GNAQ: variants seen among roughly 807,000 people sequenced by gnomAD.
GNAQ encodes guanine nucleotide-binding protein G(q) subunit alpha.
GNAQ carries 8 observed loss-of-function variants against 43.9 expected under a neutral mutation model. The ratio of observed to expected loss-of-function variants is 0.18; its 90% CI spans 0.11 to 0.33. The LOEUF (loss-of-function observed/expected upper bound fraction) is 0.33, where lower values mean the gene tolerates loss of function less well. Among genes scored for constraint, GNAQ ranks in the 10% least tolerant of loss-of-function variants. The probability of loss-of-function intolerance (pLI) is 1.00; values close to 1 mark genes in which losing one functional copy is unlikely to be tolerated. For missense variants in GNAQ, 158 were observed against 450.8 expected, an observed-to-expected ratio of 0.35 and a Z score of 5.88; for synonymous variants, 155 against 170.7, an observed-to-expected ratio of 0.91 and a Z score of 0.71.
intron 2 of GNAQ, among the ~76,000 whole-genome samples, chr9:77,849,508 T>A (rs554475267): frequency 3.2e-4 from 48 of 152,184 alleles, no homozygotes; most frequent in African/African-American, 1.1e-3. Context: ...GCTTTCTGAA[T>A]CCTCTCCCAG....
chr9:77,848,146 G>A (rs1007045150), intron 2 of GNAQ, among the ~76,000 whole-genome samples: 2 of 152,170 alleles, frequency 1.3e-5, no homozygotes, highest in Non-Finnish European at 2.9e-5. Flanking sequence ...GGGCCACTGT[G>A]AAGCCACTGC....
At chr9:77,959,688 CATT>C (rs1823084352) in intron 1 of GNAQ, among the ~76,000 whole-genome samples, 1 of 152,128 alleles carries the variant, frequency 6.6e-6, no homozygotes, top group African/African-American at 2.4e-5. Flanking sequence ...TGCTAAAAAT[CATT>C]GAGTTTTTCT....
chr9:77,880,318 A>G (rs1587383294), intron 2 of GNAQ, among the ~76,000 whole-genome samples: 1 of 151,990 alleles, frequency 6.6e-6, no homozygotes, highest in South Asian at 2.1e-4. Flanking sequence ...AATTATTTAT[A>G]CCCTTTCTCA....
At chr9:77,759,933 CT>C (rs970000569) in intron 5 of GNAQ, among the ~76,000 whole-genome samples, 22 of 131,836 alleles carry the variant, frequency 1.7e-4, no homozygotes, top group South Asian at 4.8e-4. Flanking sequence ...TTTTCTTTTT[CT>C]TTTTTTTTTG....
chr9:77,930,207 T>C (rs1448230632), intron 1 of GNAQ, among the ~76,000 whole-genome samples: 2 of 152,184 alleles, frequency 1.3e-5, no homozygotes, highest in Admixed American at 6.5e-5. Context: ...CACCTCACTT[T>C]TGAAAAGACT....
At chr9:77,828,194 T>C (rs894976260) in intron 2 of GNAQ, among the ~76,000 whole-genome samples, 1 of 151,802 alleles carries the variant, frequency 6.6e-6, no homozygotes, top group African/African-American at 2.4e-5. Context: ...TTAATTATCA[T>C]TTCATGAAAA....
chr9:77,952,417 C>T (rs1395209537), intron 1 of GNAQ, among the ~76,000 whole-genome samples: 2 of 152,082 alleles, frequency 1.3e-5, no homozygotes, highest in African/African-American at 4.8e-5. Context: ...TTCTATCTTC[C>T]AACTTTTAGT....
intron 1 of GNAQ, among the ~76,000 whole-genome samples, chr9:77,952,280 G>A (rs1022360030): frequency 5.9e-5 from 9 of 152,124 alleles, no homozygotes; most frequent in African/African-American, 1.9e-4. Flanking sequence ...AGTGGAATAT[G>A]ACCCAACAGT....
Position 77,721,121 on chromosome 9 carries a change from A to G in GNAQ, c.*202T>C, listed in dbSNP as rs1825303736. The G allele has an allele frequency of 4.2e-6, 2 of 479,596 alleles. No individual in the cohort carries two copies. Among genetic ancestry groups the G allele is most frequent in the Non-Finnish European group, 7.3e-6 (2 of 273,482 alleles). 29.7% of individuals were successfully genotyped at this position (479,596 alleles called of 1,614,324 possible). On this transcript the variant is annotated 3_prime_UTR_variant, in exon 7 of 7. Transcript: ENST00000286548. ...TAGAGAGGAAATGTGCTGGGACTGTACTTCAGCATCCTCTGTTTTTCCTCT... is the reference window on the plus strand; with the variant it reads ...TAGAGAGGAAATGTGCTGGGACTGTGCTTCAGCATCCTCTGTTTTTCCTCT...
chr9:78,004,539 A>G (rs1037854682), intron 1 of GNAQ, among the ~76,000 whole-genome samples: 1 of 152,118 alleles, frequency 6.6e-6, no homozygotes, highest in Non-Finnish European at 1.5e-5. Flanking sequence ...CATCTCCCAG[A>G]GCTTCTCCCC....
At chr9:77,877,414 T>C (rs751220175) in intron 2 of GNAQ, among the ~76,000 whole-genome samples, 9 of 152,170 alleles carry the variant, frequency 5.9e-5, no homozygotes, top group Non-Finnish European at 1.0e-4. Context: ...AACTCATCAG[T>C]TCTTTTCAAG....
chr9:77,989,937 T>C (rs192017356), intron 1 of GNAQ, among the ~76,000 whole-genome samples: 139 of 152,352 alleles, frequency 9.1e-4, no homozygotes, highest in Admixed American at 2.4e-3. Context: ...GTGTAATATA[T>C]ACTCCCTTCT....
chr9:77,870,216 C>A (rs979717323), intron 2 of GNAQ, among the ~76,000 whole-genome samples: 1 of 150,180 alleles, frequency 6.7e-6, no homozygotes, highest in African/African-American at 2.5e-5. Context: ...TGAGTAATTT[C>A]TTTTGGGGAT....
chr9:77,764,962 G>T (rs938096422), intron 5 of GNAQ, among the ~76,000 whole-genome samples: 14 of 152,142 alleles, frequency 9.2e-5, no homozygotes, highest in Admixed American at 3.3e-4. Flanking sequence ...CTATAAATGT[G>T]ATTAGTTTTT....
rs1825248779 is a variant in GNAQ, at chr9:77,717,770, T to G, written c.*3553A>C. ...TACAAGTTTTACGTGTTCTTCAGATTCCTTTTGTAGTTGTCATCTGCTAGT... is the reference window on the plus strand; with the variant it reads ...TACAAGTTTTACGTGTTCTTCAGATGCCTTTTGTAGTTGTCATCTGCTAGT... On this transcript the variant is annotated 3_prime_UTR_variant, in exon 7 of 7. Coordinates refer to ENST00000286548, the MANE Select transcript of GNAQ (RefSeq NM_002072.5). 4.3e-6 allele frequency: 1 copy of G among 232,662 alleles called. No individual in the cohort carries two copies. Among genetic ancestry groups the G allele is most frequent in the Non-Finnish European group, 8.5e-6 (1 of 117,726 alleles). 14.4% of individuals were successfully genotyped at this position (232,662 alleles called of 1,614,324 possible).
intron 5 of GNAQ, among the ~76,000 whole-genome samples, chr9:77,754,329 C>A (rs1371178010): frequency 6.6e-6 from 1 of 152,194 alleles, no homozygotes; most frequent in Non-Finnish European, 1.5e-5. Flanking sequence ...AGGGGCAATA[C>A]CCTGTTCACT....
chr9:77,766,218 ATATG>A (rs1261629970), intron 5 of GNAQ, among the ~76,000 whole-genome samples: 1 of 152,220 alleles, frequency 6.6e-6, no homozygotes, highest in Non-Finnish European at 1.5e-5. Flanking sequence ...TAAATTTTAT[ATATG>A]TATATTTTAC....
chr9:77,836,230 GC>G (rs200391317), intron 2 of GNAQ, among the ~76,000 whole-genome samples: 1 of 97,360 alleles, frequency 1.0e-5, no homozygotes, highest in Non-Finnish European at 2.8e-5. Context: ...ATGATTAAAA[GC>G]CCCCCCCGGA....
intron 5 of GNAQ, among the ~76,000 whole-genome samples, chr9:77,784,233 G>T (rs1826440659): frequency 6.6e-6 from 1 of 151,774 alleles, no homozygotes; most frequent in Non-Finnish European, 1.5e-5. Flanking sequence ...CACTAGATTG[G>T]TAAGGTAATT....
Sources: allele counts gnomAD v4.1 joint callset (sites outside exome capture counted in the v4.1 genomes callset), GRCh38; gene constraint gnomAD v4.1.1; transcripts MANE v1.5; gene names NCBI Gene and HGNC (gene_info 2026-07-23, HGNC 2026-07-21).